ELMO1: variants seen among roughly 807,000 people sequenced by gnomAD.
ELMO1 encodes the protein engulfment and cell motility 1.
Under a neutral mutation model 98.9 loss-of-function variants are expected in ELMO1, and 26 were observed. The ratio of observed to expected loss-of-function variants is 0.26; its 90% CI spans 0.19 to 0.36. The LOEUF (loss-of-function observed/expected upper bound fraction) is 0.36. Ranked by LOEUF, ELMO1 falls within the 10% of genes least tolerant of loss-of-function variation. ELMO1 has a pLI of 1.00. For missense variants in ELMO1, 627 were observed against 935.2 expected (o/e 0.67, Z 4.30); for synonymous variants, 346 against 346.0 (o/e 1.00, Z 0.00).
chr7:36,900,540 C>T (rs1270563921), intron 16 of ELMO1, among the ~76,000 whole-genome samples: 5 of 152,080 alleles, frequency 3.3e-5, no homozygotes, highest in Non-Finnish European at 7.4e-5. Flanking sequence ...AGCCCGTGGC[C>T]GTGGGATGGC....
intron 15 of ELMO1, among the ~76,000 whole-genome samples, chr7:37,046,420 T>G (rs1050730572): frequency 3.3e-5 from 5 of 152,210 alleles, no homozygotes; most frequent in Admixed American, 2.6e-4. Flanking sequence ...CTCTGCCCAG[T>G]GGTCTTCCTG....
Position 37,171,509 on chromosome 7 carries a change from T to TTTTG in ELMO1, c.1087-38276_1087-38275insCAAA, listed in dbSNP as rs1352287795. On this transcript the variant is annotated intron_variant, in intron 13 of 21. Transcript: ENST00000310758. Reference sequence around the variant, plus strand: ...TTTTTTTTTTTTTTTTTTTTTTTTTTTGAGACAGAGTCTCGCTCTGTCACC... The same window carrying TTTTG: ...TTTTTTTTTTTTTTTTTTTTTTTTTTTTTGTGAGACAGAGTCTCGCTCTGTCACC... Among the ~76,000 whole-genome samples the TTTTG allele has an allele frequency of 4.0e-4, 57 of 142,612 alleles. 4 individuals are homozygous for TTTTG. The highest frequency in any genetic ancestry group is 3.6e-3 in the Middle Eastern group (1 of 278). The allele number at this position is 142,612 out of a possible 152,430, so 93.6% of individuals were successfully genotyped here. A position where few individuals can be genotyped will look rare whatever the true frequency, so the allele number is the denominator to read the frequency against.
chr7:37,432,170 C>T (rs1004757726), intron 1 of ELMO1, among the ~76,000 whole-genome samples: 10 of 152,288 alleles, frequency 6.6e-5, no homozygotes, highest in Middle Eastern at 3.4e-3. Context: ...TGTGAGCCAC[C>T]GCACCTGGCC....
chr7:36,911,032 C>A (rs1026145496), intron 16 of ELMO1, among the ~76,000 whole-genome samples: 5 of 152,158 alleles, frequency 3.3e-5, no homozygotes, highest in Non-Finnish European at 1.5e-5. Flanking sequence ...TTGCTACTGT[C>A]CCTGGTCAGG....
intron 19 of ELMO1, among the ~76,000 whole-genome samples, chr7:36,874,644 C>T (rs983080612): frequency 6.6e-6 from 1 of 152,228 alleles, no homozygotes; most frequent in African/African-American, 2.4e-5. Flanking sequence ...GGCTTCATCT[C>T]CACATGGGCA....
chr7:37,146,668 G>A (rs982294661), intron 13 of ELMO1, among the ~76,000 whole-genome samples: 1 of 152,174 alleles, frequency 6.6e-6, no homozygotes, highest in Non-Finnish European at 1.5e-5. Flanking sequence ...AGATTCTGCT[G>A]TTGGTCCCTC....
intron 16 of ELMO1, among the ~76,000 whole-genome samples, chr7:36,970,895 CAT>C (rs1340308873): frequency 5.3e-5 from 8 of 152,208 alleles, no homozygotes; most frequent in Non-Finnish European, 1.2e-4. Flanking sequence ...AGGCTGCTCA[CAT>C]GAGGGAGACA....
chr7:37,187,678 C>A (rs1345490708), intron 13 of ELMO1, among the ~76,000 whole-genome samples: 1 of 152,032 alleles, frequency 6.6e-6, no homozygotes, highest in Admixed American at 6.6e-5. Context: ...AGAAAAATGA[C>A]CATGCAGGTA....
intron 1 of ELMO1, among the ~76,000 whole-genome samples, chr7:37,376,650 C>T (rs1305770234): frequency 5.3e-5 from 8 of 152,148 alleles, no homozygotes; most frequent in Non-Finnish European, 8.8e-5. Context: ...CATCTACAAC[C>T]AATCAGCAGC....
intron 4 of ELMO1, among the ~76,000 whole-genome samples, chr7:37,283,154 G>C (rs1380385377): frequency 1.3e-5 from 2 of 152,162 alleles, no homozygotes; most frequent in Non-Finnish European, 2.9e-5. Context: ...TGGCAAGCCT[G>C]AGGGAAAGGA....
At chr7:37,009,598 C>A (rs549570510) in intron 16 of ELMO1, among the ~76,000 whole-genome samples, 2 of 152,120 alleles carry the variant, frequency 1.3e-5, no homozygotes, top group African/African-American at 4.8e-5. Flanking sequence ...GTTTGTTGGG[C>A]AAATCAAAAT....
intron 1 of ELMO1, among the ~76,000 whole-genome samples, chr7:37,349,657 T>C (rs1187131557): frequency 2.0e-5 from 3 of 152,148 alleles, no homozygotes; most frequent in African/African-American, 4.8e-5. Flanking sequence ...TTTCACCATG[T>C]TGGCCAGGCT....
At chr7:37,016,400 C>A (rs147061185) in intron 15 of ELMO1, among the ~76,000 whole-genome samples, 1,657 of 152,288 alleles carry the variant, frequency 0.011, 12 homozygotes, top group Admixed American at 0.016. Context: ...ATAACACCTT[C>A]CATCATGAGC....
At chr7:37,163,353 A>T (rs200994589) in intron 13 of ELMO1, among the ~76,000 whole-genome samples, 43 of 87,312 alleles carry the variant, frequency 4.9e-4, no homozygotes, top group African/African-American at 1.6e-3. Flanking sequence ...TTTTTTTTTT[A>T]TTATTATACT....
chr7:37,207,812 G>A (rs951761143), intron 13 of ELMO1, among the ~76,000 whole-genome samples: 2 of 152,026 alleles, frequency 1.3e-5, no homozygotes, highest in Non-Finnish European at 2.9e-5. Flanking sequence ...TGTGGTGGTG[G>A]GCACCCGACA....
chr7:37,335,233 A>G (rs1800335471), intron 2 of ELMO1, among the ~76,000 whole-genome samples: 1 of 152,244 alleles, frequency 6.6e-6, no homozygotes, highest in South Asian at 2.1e-4. Context: ...AAAAGGTTTG[A>G]GTACAAAGGA....
At chr7:37,107,177 G>T (rs1007054491) in intron 14 of ELMO1, among the ~76,000 whole-genome samples, 1 of 152,154 alleles carries the variant, frequency 6.6e-6, no homozygotes, top group Admixed American at 6.5e-5. Context: ...CATTTTGAGG[G>T]TCTTGCAATC....
At chr7:37,245,505 A>G (rs1279762506) in intron 6 of ELMO1, among the ~76,000 whole-genome samples, 1 of 152,220 alleles carries the variant, frequency 6.6e-6, no homozygotes, top group Non-Finnish European at 1.5e-5. Context: ...GAGGGGGATT[A>G]AAAATGCATA....
At chr7:36,904,655 G>A (rs1407851750) in intron 16 of ELMO1, among the ~76,000 whole-genome samples, 2 of 152,270 alleles carry the variant, frequency 1.3e-5, no homozygotes, top group African/African-American at 4.8e-5. Flanking sequence ...AAGCAAAAAC[G>A]TTAACCAGCA....
Sources: allele counts gnomAD v4.1 joint callset (sites outside exome capture counted in the v4.1 genomes callset), GRCh38; gene constraint gnomAD v4.1.1; transcripts MANE v1.5; gene names NCBI Gene and HGNC (gene_info 2026-07-23, HGNC 2026-07-21).